The following ATP6V1E1 variants were observed in gnomAD, a reference collection of about 807,000 sequenced individuals.
ATP6V1E1 encodes ATPase H+ transporting V1 subunit E1, also known as V-type proton ATPase subunit E 1.
In ATP6V1E1, 21 loss-of-function variants were observed where a neutral mutation model predicts 35.2. The ratio of observed to expected loss-of-function variants is 0.60; its 90% CI spans 0.42 to 0.86. The LOEUF (loss-of-function observed/expected upper bound fraction) is 0.86, where lower values mean the gene tolerates loss of function less well. ATP6V1E1 is among the 40% of genes least tolerant of loss of function. ATP6V1E1 has a pLI of 0.00. For synonymous variants in ATP6V1E1, 83 were observed against 87.8 expected (o/e 0.95, Z 0.30); for missense variants, 183 against 272.6 (o/e 0.67, Z 2.32).
chr22:17,626,855 A>AT (rs1465431038), intron 1 of ATP6V1E1, among the ~76,000 whole-genome samples: 1 of 151,646 alleles, frequency 6.6e-6, no homozygotes, highest in Admixed American at 6.6e-5. Context: ...TTAAGAAAAA[A>AT]TTTTTTAGAG....
At chr22:17,621,686 T>TA (rs1464141117) in intron 1 of ATP6V1E1, among the ~76,000 whole-genome samples, 2 of 152,198 alleles carry the variant, frequency 1.3e-5, no homozygotes, top group African/African-American at 4.8e-5. Flanking sequence ...TAAACTTATT[T>TA]CAGTTCCTTG....
At chr22:17,613,936 T>C (rs1601387787) in intron 2 of ATP6V1E1, among the ~76,000 whole-genome samples, 1 of 151,924 alleles carries the variant, frequency 6.6e-6, no homozygotes, top group Non-Finnish European at 1.5e-5. Flanking sequence ...CACTGCACTC[T>C]AGCCTGGGCG....
chr22:17,615,448 C>T (rs1398797215), intron 2 of ATP6V1E1, among the ~76,000 whole-genome samples: 4 of 151,662 alleles, frequency 2.6e-5, no homozygotes, highest in Non-Finnish European at 4.4e-5. Context: ...AGTTCCAAGA[C>T]GAGCCTGGCC....
intron 5 of ATP6V1E1, 42 bp downstream of exon 5, chr22:17,601,050 A>G (rs1271690519): frequency 2.0e-6 from 3 of 1,534,932 alleles, no homozygotes; most frequent in Admixed American, 1.9e-5. Flanking sequence ...AAATTTTCTC[A>G]GAACTGTGGC....
intron 1 of ATP6V1E1, among the ~76,000 whole-genome samples, chr22:17,620,147 T>G (rs958732078): frequency 1.4e-5 from 2 of 143,896 alleles, no homozygotes; most frequent in African/African-American, 5.0e-5. Context: ...CAACCTTCCC[T>G]TTGTTTTTTT....
chr22:17,620,745 C>T (rs544957887), intron 1 of ATP6V1E1, among the ~76,000 whole-genome samples: 2 of 151,086 alleles, frequency 1.3e-5, no homozygotes, highest in African/African-American at 4.8e-5. Flanking sequence ...CAAGCAATCA[C>T]CAAGTTCTAT....
chr22:17,619,013 G>A, intron 2 of ATP6V1E1: 1 of 453,914 alleles, frequency 2.2e-6, no homozygotes, highest in Non-Finnish European at 4.4e-6. Flanking sequence ...GAAAGAAGGG[G>A]CCAGGCACTG....
At chr22:17,602,082 T>C (rs2057764746) in intron 4 of ATP6V1E1, among the ~76,000 whole-genome samples, 1 of 152,162 alleles carries the variant, frequency 6.6e-6, no homozygotes, top group South Asian at 2.1e-4. Context: ...TATTATTTTA[T>C]TTTTTATAGA....
rs572646404 is a variant in ATP6V1E1 at position 17,607,159 on chromosome 22, CT to C, written c.276+5652del. Among the ~76,000 whole-genome samples, 89 of 146,998 alleles carry C rather than the reference CT, an allele frequency of 6.1e-4. 1 individual carries two copies. Among genetic ancestry groups the C allele is most frequent in the Admixed American group, 1.1e-3 (16 of 14,606 alleles). Reference sequence around the variant, plus strand: ...TTCTTTACCTGTTCTTCCTATATTTCTTTTTTTTTTTATTTTTGACATGAAG... The same window carrying C: ...TTCTTTACCTGTTCTTCCTATATTTCTTTTTTTTTTATTTTTGACATGAAG... On this transcript the variant is annotated intron_variant, in intron 4 of 8. Coordinates refer to ENST00000253413, the MANE Select transcript of ATP6V1E1 (RefSeq NM_001696.4).
intron 2 of ATP6V1E1, among the ~76,000 whole-genome samples, chr22:17,615,817 G>A (rs1447770309): frequency 6.6e-6 from 1 of 152,146 alleles, no homozygotes. Flanking sequence ...CAGATCGTGA[G>A]GTCAGGAGAT....
intron 4 of ATP6V1E1, 24 bp from the exon 5 acceptor site, chr22:17,601,205 A>G: frequency 1.9e-6 from 3 of 1,599,512 alleles, no homozygotes; most frequent in South Asian, 1.1e-5. Flanking sequence ...AAAAGATAAA[A>G]GTTATCTACA....
intron 4 of ATP6V1E1, among the ~76,000 whole-genome samples, chr22:17,605,874 G>C (rs2057784661): frequency 6.6e-6 from 1 of 151,796 alleles, no homozygotes; most frequent in Admixed American, 6.6e-5. Context: ...TGCCTGGGCT[G>C]GTCTTGAATG....
At chr22:17,624,735 C>T (rs2057895235) in intron 1 of ATP6V1E1, among the ~76,000 whole-genome samples, 1 of 151,966 alleles carries the variant, frequency 6.6e-6, no homozygotes, top group African/African-American at 2.4e-5. Flanking sequence ...ACAGGAGAAT[C>T]GCTTGAACCC....
intron 2 of ATP6V1E1, among the ~76,000 whole-genome samples, chr22:17,616,331 G>A (rs565817384): frequency 4.1e-5 from 6 of 148,138 alleles, no homozygotes; most frequent in Middle Eastern, 4.1e-3. Context: ...CTGGGCAATA[G>A]AGGGAGACTC....
intron 4 of ATP6V1E1, among the ~76,000 whole-genome samples, chr22:17,605,492 T>C (rs1277382482): frequency 6.6e-6 from 1 of 151,966 alleles, no homozygotes; most frequent in Non-Finnish European, 1.5e-5. Flanking sequence ...ATTGCACCAT[T>C]GCACTCCAGG....
At chr22:17,607,930 C>A (rs2057794397) in intron 4 of ATP6V1E1, among the ~76,000 whole-genome samples, 1 of 152,138 alleles carries the variant, frequency 6.6e-6, no homozygotes. Flanking sequence ...TCTAATTAGA[C>A]CCTAATATGT....
At chr22:17,605,205 C>CA (rs898076791) in intron 4 of ATP6V1E1, among the ~76,000 whole-genome samples, 3,447 of 54,526 alleles carry the variant, frequency 0.063, 393 homozygotes, top group African/African-American at 0.23. Flanking sequence ...GACTTCATCT[C>CA]AAAAAAAAAA....
At chr22:17,600,230 T>C (rs1432537900) in intron 5 of ATP6V1E1, 135 bp from the exon 6 acceptor site, 1 of 707,628 alleles carries the variant, frequency 1.4e-6, no homozygotes, top group African/African-American at 1.8e-5. Flanking sequence ...AGCTCAGAAG[T>C]TCGAGACCAG....
chr22:17,621,018 C>T (rs911724945), intron 1 of ATP6V1E1, among the ~76,000 whole-genome samples: 3 of 151,906 alleles, frequency 2.0e-5, no homozygotes, highest in South Asian at 2.1e-4. Context: ...GCCGAGATCG[C>T]GCCACTGCAC....
Sources: allele counts gnomAD v4.1 joint callset (sites outside exome capture counted in the v4.1 genomes callset), GRCh38; gene constraint gnomAD v4.1.1; transcripts MANE v1.5; gene names NCBI Gene and HGNC (gene_info 2026-07-23, HGNC 2026-07-21).